DLGAP2: variants seen among roughly 807,000 people sequenced by gnomAD.
DLGAP2 encodes DLG associated protein 2.
A neutral mutation model predicts 100.3 loss-of-function variants in DLGAP2; 26 were observed. The ratio of observed to expected loss-of-function variants is 0.26; its 90% CI spans 0.19 to 0.36. DLGAP2 has a LOEUF of 0.36. Among genes scored for constraint, DLGAP2 ranks in the 10% least tolerant of loss-of-function variants. The pLI, the probability that DLGAP2 is intolerant of heterozygous loss-of-function variation, is 1.00. For missense variants in DLGAP2, 1,858 were observed against 1,453.2 expected, an observed-to-expected ratio of 1.28 and a Z score of -4.53; for synonymous variants, 886 against 630.1, an observed-to-expected ratio of 1.41 and a Z score of -6.08.
rs113546263 is a variant in DLGAP2 at position 1,623,193 on chromosome 8, T to C, written c.1443-3547T>C. The stretch of plus-strand genomic sequence containing the variant: ...GGCTCTGTGGTCCTATGACTCAGCA[T>C]CTTGAGTGCTTAAAATCCCAGTGAC... On this transcript the variant is annotated intron_variant, in intron 6 of 14. Coordinates refer to ENST00000637795, the MANE Select transcript of DLGAP2 (RefSeq NM_001346810.2). Among the ~76,000 whole-genome samples, 206 of 152,358 alleles carry C rather than the reference T, an allele frequency of 1.4e-3. 2 individuals are homozygous for C. Among genetic ancestry groups the C allele is most frequent in the African/African-American group, 4.6e-3 (192 of 41,584 alleles).
chr8:1,277,844 G>T (rs1799735345), intron 3 of DLGAP2, among the ~76,000 whole-genome samples: 1 of 152,208 alleles, frequency 6.6e-6, no homozygotes, highest in Non-Finnish European at 1.5e-5. Context: ...TGCTGGGGCA[G>T]TGACTGCACA....
At chr8:1,082,401 C>G (rs1179035598) in intron 2 of DLGAP2, among the ~76,000 whole-genome samples, 1 of 152,132 alleles carries the variant, frequency 6.6e-6, no homozygotes, top group Non-Finnish European at 1.5e-5. Context: ...TTGTCTGGAT[C>G]TAGCTAAGGG....
In DLGAP2 at chr8:1,353,708, G is replaced by C. The variant is rs1030166236; in HGVS notation, c.106+94825G>C. ...GAAGCATGAAAATGAATTAGGAATA[G>C]TAAGAAAAATAATTTACTTAACGTA... On this transcript the variant is annotated intron_variant, in intron 3 of 14. Transcript: ENST00000637795. 1.7e-4 allele frequency among the ~76,000 whole-genome samples: 26 copies of C among 152,162 alleles called. 1 individual carries two copies.
At chr8:1,177,412 T>C (rs370443578) in intron 2 of DLGAP2, among the ~76,000 whole-genome samples, 111 of 152,162 alleles carry the variant, frequency 7.3e-4, no homozygotes, top group African/African-American at 2.6e-3. Flanking sequence ...CCATCTGTTG[T>C]CAGGAGGCCT....
intron 6 of DLGAP2, among the ~76,000 whole-genome samples, chr8:1,578,899 A>T (rs983253574): frequency 6.6e-6 from 1 of 152,252 alleles, no homozygotes; most frequent in African/African-American, 2.4e-5. Flanking sequence ...TCTGTGGGTC[A>T]GACCCTGCCC....
chr8:1,275,100 A>G (rs1339723414), intron 3 of DLGAP2, among the ~76,000 whole-genome samples: 3 of 152,168 alleles, frequency 2.0e-5, no homozygotes, highest in Non-Finnish European at 2.9e-5. Context: ...GAGGACCTGC[A>G]ATTTAATTTC....
chr8:886,873 G>T (rs757598788), intron 1 of DLGAP2, among the ~76,000 whole-genome samples: 1 of 152,196 alleles, frequency 6.6e-6, no homozygotes, highest in Non-Finnish European at 1.5e-5. Context: ...TTCTGTAGAT[G>T]TCTACTAGTT....
intron 4 of DLGAP2, among the ~76,000 whole-genome samples, chr8:1,504,967 G>A (rs556893154): frequency 6.6e-6 from 1 of 152,134 alleles, no homozygotes; most frequent in African/African-American, 2.4e-5. Flanking sequence ...TAAAACATAT[G>A]AAAGGATAAT....
At chr8:804,671 T>C (rs1796234470) in intron 1 of DLGAP2, among the ~76,000 whole-genome samples, 2 of 152,252 alleles carry the variant, frequency 1.3e-5, no homozygotes. Flanking sequence ...CCCCAAGATA[T>C]TTGAAACTTT....
At chr8:1,135,613 A>G (rs1398884611) in intron 2 of DLGAP2, among the ~76,000 whole-genome samples, 1 of 149,500 alleles carries the variant, frequency 6.7e-6, no homozygotes, top group East Asian at 2.0e-4. Context: ...GGGGAACGAC[A>G]TTCTCAAGGT....
chr8:836,415 G>T (rs973624008), intron 1 of DLGAP2, among the ~76,000 whole-genome samples: 3 of 152,204 alleles, frequency 2.0e-5, no homozygotes, highest in Non-Finnish European at 4.4e-5. Flanking sequence ...GGCACTGGAT[G>T]GGGCGATGCT....
chr8:1,370,110 C>A (rs1306574582), intron 3 of DLGAP2, among the ~76,000 whole-genome samples: 1 of 152,180 alleles, frequency 6.6e-6, no homozygotes, highest in East Asian at 1.9e-4. Context: ...TCCCACAGGT[C>A]TTCGGATATT....
intron 3 of DLGAP2, among the ~76,000 whole-genome samples, chr8:1,465,245 A>G (rs1240081797): frequency 6.6e-6 from 1 of 152,198 alleles, no homozygotes; most frequent in African/African-American, 2.4e-5. Context: ...GGTTCCATTC[A>G]TTTGCTGGAG....
At chr8:1,262,918 T>C (rs1412758531) in intron 3 of DLGAP2, among the ~76,000 whole-genome samples, 1 of 152,202 alleles carries the variant, frequency 6.6e-6, no homozygotes. Context: ...GTTTACATTT[T>C]TATGGCTTGA....
intron 2 of DLGAP2, among the ~76,000 whole-genome samples, chr8:1,121,909 G>A (rs1796059129): frequency 6.6e-6 from 1 of 152,106 alleles, no homozygotes; most frequent in Admixed American, 6.6e-5. Context: ...TCCTATTTTG[G>A]CCATTTGCTC....
intron 3 of DLGAP2, among the ~76,000 whole-genome samples, chr8:1,443,957 A>G (rs908783849): frequency 8.5e-5 from 13 of 152,238 alleles, no homozygotes; most frequent in African/African-American, 3.1e-4. Flanking sequence ...ATAACAAGAC[A>G]GAGCTGTGAC....
intron 2 of DLGAP2, among the ~76,000 whole-genome samples, chr8:1,198,310 A>C (rs546266081): frequency 3.1e-4 from 47 of 152,306 alleles, no homozygotes; most frequent in African/African-American, 1.1e-3. Context: ...AGCAGCCCAG[A>C]AAAACCTCCC....
chr8:1,500,630 G>A (rs1799688784), intron 3 of DLGAP2, among the ~76,000 whole-genome samples: 1 of 152,264 alleles, frequency 6.6e-6, no homozygotes, highest in African/African-American at 2.4e-5. Context: ...TAAATCAAGT[G>A]ACAAGCTTGT....
chr8:1,683,637 G>A (rs995648852), intron 12 of DLGAP2, among the ~76,000 whole-genome samples: 6 of 149,566 alleles, frequency 4.0e-5, no homozygotes, highest in Non-Finnish European at 7.4e-5. Flanking sequence ...TGGGGAGGAA[G>A]AGAGGGAAGC....
Sources: allele counts gnomAD v4.1 joint callset (sites outside exome capture counted in the v4.1 genomes callset), GRCh38; gene constraint gnomAD v4.1.1; transcripts MANE v1.5; gene names NCBI Gene and HGNC (gene_info 2026-07-23, HGNC 2026-07-21).